PALLD: variants seen among roughly 807,000 people sequenced by gnomAD.
PALLD encodes the protein palladin.
PALLD carries 61 observed loss-of-function variants against 123.5 expected under a neutral mutation model. That is an observed-to-expected ratio of 0.49 (90% confidence interval 0.40 to 0.61). PALLD has a LOEUF of 0.61. Among genes scored for constraint, PALLD ranks in the 20% least tolerant of loss-of-function variants. PALLD has a pLI of 0.00. For missense variants in PALLD, 1,273 were observed against 1,377.0 expected (o/e 0.92, Z 1.20); for synonymous variants, 465 against 496.4 (o/e 0.94, Z 0.84).
At chr4:168,571,277 A>C (rs1261775046) in intron 2 of PALLD, among the ~76,000 whole-genome samples, 7 of 152,028 alleles carry the variant, frequency 4.6e-5, no homozygotes, top group African/African-American at 1.7e-4. Context: ...TATTTACTCT[A>C]TGTGTGATTC....
intron 2 of PALLD, among the ~76,000 whole-genome samples, chr4:168,546,541 G>A (rs1766154802): frequency 6.6e-6 from 1 of 152,140 alleles, no homozygotes; most frequent in African/African-American, 2.4e-5. Context: ...ATTTGAACTT[G>A]AAGATGGATC....
chr4:168,709,169 T>G (rs371799082), intron 9 of PALLD, 22 bp downstream of exon 9: 37 of 1,612,342 alleles, frequency 2.3e-5, no homozygotes, highest in Non-Finnish European at 3.0e-5. Context: ...GTAAAAAAAA[T>G]GACTGGGTTC....
chr4:168,522,174 G>A (rs1327279843), intron 2 of PALLD, among the ~76,000 whole-genome samples: 3 of 152,212 alleles, frequency 2.0e-5, no homozygotes, highest in African/African-American at 4.8e-5. Flanking sequence ...CTATTTGCTA[G>A]AGTTAATTGA....
At chr4:168,730,746 C>G (rs533579344) in intron 10 of PALLD, among the ~76,000 whole-genome samples, 106 of 152,118 alleles carry the variant, frequency 7.0e-4, no homozygotes, top group African/African-American at 2.2e-3. Flanking sequence ...GTTGTGGGGG[C>G]AGGTAACATG....
chr4:168,898,922 T>C (rs543615136), intron 14 of PALLD, among the ~76,000 whole-genome samples: 17 of 152,274 alleles, frequency 1.1e-4, no homozygotes, highest in African/African-American at 4.1e-4. Context: ...AGTTTGGGTT[T>C]GAAGAATAGA....
chr4:168,915,878 ATC>A lies in PALLD; in HGVS notation c.2718-15_2718-14del. 6.2e-7 allele frequency: 1 copy of A among 1,605,674 alleles called. No individual in the cohort carries two copies. Among genetic ancestry groups the A allele is most frequent in the Non-Finnish European group, 8.5e-7 (1 of 1,172,338 alleles). ...CTATCTATATTTCTATCTATCTGTC[ATC>A]TTTCTTGTTTCAAGGCCTCGTTCTA... On this transcript the variant is annotated splice_polypyrimidine_tract_variant and intron_variant, in intron 16 of 21. Coordinates refer to ENST00000505667, the MANE Select transcript of PALLD (RefSeq NM_001166108.2).
intron 10 of PALLD, among the ~76,000 whole-genome samples, chr4:168,784,770 C>G (rs375461437): frequency 6.6e-6 from 1 of 152,200 alleles, no homozygotes. Context: ...ATGTGAGTTT[C>G]ATAGCAGGAA....
rs146972640 is a variant in PALLD at position 168,511,771 on chromosome 4, C to T, written c.267C>T (p.His89=). The change falls in exon 2 of 22, where the codon CAC becomes CAT. Residue 89 remains histidine (H), a synonymous_variant. Coordinates refer to ENST00000505667, the MANE Select transcript of PALLD (RefSeq NM_001166108.2). ...PSHKETKLGE[H]ASRRPQDNRS... is the part of the protein sequence containing the mutation. ...ATAAGGAGACCAAATTGGGTGAACACGCCTCGAGGAGACCTCAGGATAACA... is the reference window on the plus strand; with the variant it reads ...ATAAGGAGACCAAATTGGGTGAACATGCCTCGAGGAGACCTCAGGATAACA... 6.6e-5 allele frequency: 106 copies of T among 1,614,052 alleles called. 1 individual carries two copies. The highest frequency in any genetic ancestry group is 3.3e-4 in the Middle Eastern group (2 of 6,080).
intron 3 of PALLD, among the ~76,000 whole-genome samples, chr4:168,671,646 G>T (rs909323975): frequency 1.3e-5 from 2 of 152,170 alleles, no homozygotes; most frequent in Non-Finnish European, 2.9e-5. Context: ...AAAAACAAAA[G>T]ATTTTAGTGT....
chr4:168,738,111 T>C (rs1787941751), intron 10 of PALLD, among the ~76,000 whole-genome samples: 1 of 152,184 alleles, frequency 6.6e-6, no homozygotes, highest in African/African-American at 2.4e-5. Context: ...GCATTTTTCA[T>C]TGATTTGTGG....
chr4:168,631,082 C>G (rs192824293), intron 2 of PALLD, among the ~76,000 whole-genome samples: 139 of 152,308 alleles, frequency 9.1e-4, no homozygotes, highest in Non-Finnish European at 1.4e-3. Flanking sequence ...AGAACAAAGA[C>G]CAGATTTATT....
chr4:168,576,847 A>G (rs1769663121), intron 2 of PALLD, among the ~76,000 whole-genome samples: 1 of 152,128 alleles, frequency 6.6e-6, no homozygotes, highest in South Asian at 2.1e-4. Flanking sequence ...TTACAGTCCT[A>G]CCAACAGTGT....
At chr4:168,818,449 A>G (rs1742273468) in intron 10 of PALLD, among the ~76,000 whole-genome samples, 1 of 152,160 alleles carries the variant, frequency 6.6e-6, no homozygotes, top group South Asian at 2.1e-4. Flanking sequence ...AAATATTTCG[A>G]AAAAGCCAGA....
intron 6 of PALLD, among the ~76,000 whole-genome samples, chr4:168,686,403 T>C (rs955613476): frequency 6.6e-6 from 1 of 151,954 alleles, no homozygotes; most frequent in Admixed American, 6.6e-5. Flanking sequence ...AGGCCCCAGG[T>C]GTGTGATGTT....
At chr4:168,586,101 C>T (rs1240656133) in intron 2 of PALLD, among the ~76,000 whole-genome samples, 3 of 138,200 alleles carry the variant, frequency 2.2e-5, no homozygotes, top group African/African-American at 8.2e-5. Flanking sequence ...TGTTTGAGCA[C>T]TTTAAGATAT....
chr4:168,832,294 A>G, intron 10 of PALLD: 1 of 675,586 alleles, frequency 1.5e-6, no homozygotes, highest in Non-Finnish European at 1.8e-6. Context: ...GGCGGGGAGG[A>G]CAAGAGACTC....
intron 10 of PALLD, among the ~76,000 whole-genome samples, chr4:168,776,048 C>T (rs1292788681): frequency 1.3e-5 from 2 of 152,162 alleles, no homozygotes; most frequent in East Asian, 3.9e-4. Context: ...ATTTTTGAAT[C>T]AGCTTGTCAA....
intron 2 of PALLD, among the ~76,000 whole-genome samples, chr4:168,556,442 T>C (rs951654907): frequency 2.0e-4 from 31 of 152,090 alleles, no homozygotes; most frequent in African/African-American, 7.2e-4. Flanking sequence ...GAAGAAGAAG[T>C]GAAGAAAAAG....
At chr4:168,670,756 CAAAAAAAACA>C (rs1175542933) in intron 3 of PALLD, among the ~76,000 whole-genome samples, 662 of 69,192 alleles carry the variant, frequency 9.6e-3, no homozygotes, top group Admixed American at 0.011. Flanking sequence ...ACAAAAAAAA[CAAAAAAAACA>C]AAAAAAAACA....
Sources: gnomAD v4.1 joint callset for allele counts (sites outside exome capture counted in the v4.1 genomes callset) on GRCh38, gnomAD v4.1.1 for gene constraint, MANE v1.5 for transcripts, NCBI Gene and HGNC (gene_info 2026-07-23, HGNC 2026-07-21) for gene names.